The following NRXN3 variants were observed in gnomAD, a reference collection of about 807,000 sequenced individuals.
NRXN3 encodes the protein neurexin 3, also known as neurexin III.
NRXN3 carries 32 observed loss-of-function variants against 137.6 expected under a neutral mutation model. The observed-to-expected ratio is 0.23, with a 90% confidence interval of 0.18 to 0.31. The LOEUF (loss-of-function observed/expected upper bound fraction) is 0.31, where lower values mean the gene tolerates loss of function less well. Ranked by LOEUF, NRXN3 falls within the 10% of genes least tolerant of loss-of-function variation. NRXN3 has a pLI of 1.00. For missense variants in NRXN3, 1,574 were observed against 2,062.5 expected (o/e 0.76, Z 4.59); for synonymous variants, 798 against 784.5 (o/e 1.02, Z -0.29).
chr14:79,085,782 C>A (rs570214403), intron 15 of NRXN3, among the ~76,000 whole-genome samples: 92 of 152,262 alleles, frequency 6.0e-4, no homozygotes, highest in Middle Eastern at 3.4e-3. Context: ...GAGTAACACA[C>A]TTTTCCAGAA....
At chr14:79,077,272 C>T (rs2046133405) in intron 15 of NRXN3, among the ~76,000 whole-genome samples, 1 of 152,116 alleles carries the variant, frequency 6.6e-6, no homozygotes, top group Non-Finnish European at 1.5e-5. Context: ...TAATCTGGTT[C>T]CACCTGGAGG....
chr14:78,414,467 C>A, intron 4 of NRXN3, among the ~76,000 whole-genome samples: 1 of 152,130 alleles, frequency 6.6e-6, no homozygotes, highest in African/African-American at 2.4e-5. Flanking sequence ...AGTTGGCTGC[C>A]AAAAATGTTT....
At chr14:79,343,887 C>A (rs533617993) in intron 15 of NRXN3, among the ~76,000 whole-genome samples, 2 of 152,214 alleles carry the variant, frequency 1.3e-5, no homozygotes, top group East Asian at 3.9e-4. Flanking sequence ...AATCCTCCTG[C>A]CTCGGCCTCC....
chr14:78,411,087 A>G lies in NRXN3; in HGVS notation c.757+113227A>G, dbSNP rs2092800512. On this transcript the variant is annotated intron_variant, in intron 4 of 20. Coordinates refer to ENST00000335750, the MANE Select transcript of NRXN3 (RefSeq NM_001330195.2). ...TGAAAATTAAATGAAAATGTTAGGT[A>G]GTTATGTTCAAACTCATGCAAGCTT... 1.3e-5 allele frequency among the ~76,000 whole-genome samples: 2 copies of G among 152,188 alleles called. 1 individual carries two copies. Among genetic ancestry groups the G allele is most frequent in the Admixed American group, 1.3e-4 (2 of 15,290 alleles).
chr14:79,161,930 G>A lies in NRXN3; in HGVS notation c.3262+173789G>A, dbSNP rs75993754. Among the ~76,000 whole-genome samples the A allele has an allele frequency of 1.7e-3, 263 of 151,898 alleles. 2 individuals carry two copies. Among genetic ancestry groups the A allele is most frequent in the African/African-American group, 6.0e-3 (248 of 41,468 alleles). ...TAGCAAAATACGAGTAGAAACAAGT[G>A]GTAAAGACAGCCCAGACTGTAGTTC... On this transcript the variant is annotated intron_variant, in intron 15 of 20. Coordinates refer to ENST00000335750, the MANE Select transcript of NRXN3 (RefSeq NM_001330195.2).
intron 4 of NRXN3, among the ~76,000 whole-genome samples, chr14:78,540,608 C>A (rs1367161839): frequency 3.9e-5 from 6 of 152,012 alleles, no homozygotes; most frequent in Non-Finnish European, 8.8e-5. Context: ...GGGCATTTAG[C>A]CCATTTACAT....
At chr14:79,625,723 T>G (rs2098274509) in intron 16 of NRXN3, among the ~76,000 whole-genome samples, 1 of 152,242 alleles carries the variant, frequency 6.6e-6, no homozygotes, top group Non-Finnish European at 1.5e-5. Flanking sequence ...TCTCCCCATG[T>G]GGATCTGAAT....
intron 15 of NRXN3, among the ~76,000 whole-genome samples, chr14:79,297,884 A>C (rs2153220287): frequency 6.6e-6 from 1 of 152,248 alleles, no homozygotes; most frequent in Admixed American, 6.5e-5. Context: ...TCATTTATAT[A>C]GTGCTTCACA....
intron 1 of NRXN3, among the ~76,000 whole-genome samples, chr14:78,195,818 C>A (rs548953792): frequency 3.8e-4 from 58 of 152,344 alleles, no homozygotes; most frequent in African/African-American, 1.4e-3. Context: ...TCTACTATAA[C>A]CTGTTGCTGT....
intron 15 of NRXN3, among the ~76,000 whole-genome samples, chr14:79,420,283 G>A (rs2095557053): frequency 6.6e-6 from 1 of 152,144 alleles, no homozygotes; most frequent in African/African-American, 2.4e-5. Context: ...CCAAGAACAT[G>A]TAAAATAGAA....
chr14:79,808,255 A>AAAATAT (rs1555750671), intron 20 of NRXN3, among the ~76,000 whole-genome samples: 1 of 123,984 alleles, frequency 8.1e-6, no homozygotes, highest in Non-Finnish European at 1.6e-5. Context: ...AAAAAAAAAA[A>AAAATAT]ATATATATAT....
At chr14:78,768,495 G>T (rs2098716220) in intron 8 of NRXN3, among the ~76,000 whole-genome samples, 2 of 152,104 alleles carry the variant, frequency 1.3e-5, no homozygotes, top group East Asian at 3.8e-4. Flanking sequence ...TGCAATTTTG[G>T]CAAGACCTTG....
At chr14:79,375,260 A>G (rs763855688) in intron 15 of NRXN3, among the ~76,000 whole-genome samples, 1 of 146,036 alleles carries the variant, frequency 6.8e-6, no homozygotes, top group East Asian at 2.0e-4. Context: ...TTCCTTAAAC[A>G]CAAAACTACA....
intron 15 of NRXN3, among the ~76,000 whole-genome samples, chr14:79,296,398 G>A (rs1447662647): frequency 6.6e-6 from 1 of 151,350 alleles, no homozygotes; most frequent in African/African-American, 2.4e-5. Flanking sequence ...ATCATGTTTT[G>A]AAGAATTATT....
chr14:79,585,647 T>TGCACTCCA (rs532519189), intron 16 of NRXN3, among the ~76,000 whole-genome samples: 2,481 of 134,568 alleles, frequency 0.018, 82 homozygotes, highest in African/African-American at 0.07. Context: ...ATTGTGCCAC[T>TGCACTCCA]GCACTCCAGC....
chr14:79,396,034 A>G (rs890533878), intron 15 of NRXN3, among the ~76,000 whole-genome samples: 1 of 152,170 alleles, frequency 6.6e-6, no homozygotes. Flanking sequence ...CATATATACT[A>G]TATATACACA....
chr14:78,330,707 A>G (rs905075696), intron 4 of NRXN3, among the ~76,000 whole-genome samples: 2 of 152,146 alleles, frequency 1.3e-5, no homozygotes, highest in Admixed American at 6.6e-5. Context: ...ACTTTGTAGG[A>G]AGGTTCTAAG....
intron 15 of NRXN3, among the ~76,000 whole-genome samples, chr14:78,990,436 A>G (rs1260136089): frequency 1.4e-5 from 2 of 146,808 alleles, no homozygotes; most frequent in Admixed American, 6.9e-5. Context: ...CAGTGGCACA[A>G]TCTCGGCTCA....
intron 16 of NRXN3, among the ~76,000 whole-genome samples, chr14:79,514,849 C>CTTCTTTTTCTTCTTATTTTGA (rs1567349809): frequency 6.6e-6 from 1 of 151,024 alleles, no homozygotes; most frequent in African/African-American, 2.5e-5. Flanking sequence ...GACTGCTTCT[C>CTTCTTTTTCTTCTTATTTTGA]TTTAAAAAGT....
Sources: allele counts gnomAD v4.1 joint callset (sites outside exome capture counted in the v4.1 genomes callset), GRCh38; gene constraint gnomAD v4.1.1; transcripts MANE v1.5; gene names NCBI Gene and HGNC (gene_info 2026-07-23, HGNC 2026-07-21).